The following TPST1 variants were observed in gnomAD, a reference collection of about 807,000 sequenced individuals.
The protein encoded by TPST1 is tyrosylprotein sulfotransferase 1.
TPST1 carries 20 observed loss-of-function variants against 34.8 expected under a neutral mutation model. The observed-to-expected ratio is 0.57, with a 90% confidence interval of 0.40 to 0.84. The LOEUF (loss-of-function observed/expected upper bound fraction) is 0.84, where lower values mean the gene tolerates loss of function less well. Among genes scored for constraint, TPST1 ranks in the 40% least tolerant of loss-of-function variants. The probability of loss-of-function intolerance (pLI) is 0.00; values close to 1 mark genes in which losing one functional copy is unlikely to be tolerated. For synonymous variants in TPST1, 152 were observed against 159.4 expected (o/e 0.95, Z 0.35); for missense variants, 353 against 455.5 (o/e 0.78, Z 2.05).
chr7:66,279,052 C>T (rs1584202320), intron 2 of TPST1, among the ~76,000 whole-genome samples: 1 of 152,078 alleles, frequency 6.6e-6, no homozygotes, highest in African/African-American at 2.4e-5. Flanking sequence ...GCATAGTACT[C>T]TATGGGTAGT....
chr7:66,293,432 G>T (rs1243334432), intron 3 of TPST1, among the ~76,000 whole-genome samples: 1 of 152,136 alleles, frequency 6.6e-6, no homozygotes, highest in African/African-American at 2.4e-5. Context: ...GAGCCTGAGA[G>T]GTCAAGGCTG....
intron 3 of TPST1, among the ~76,000 whole-genome samples, chr7:66,303,178 G>A (rs1791351761): frequency 6.6e-6 from 1 of 152,072 alleles, no homozygotes; most frequent in Non-Finnish European, 1.5e-5. Flanking sequence ...CTAAGGACAT[G>A]CCAGACATGC....
rs185674648 is a variant in TPST1 at position 66,259,900 on chromosome 7, G to A, written c.845+18630G>A. On this transcript the variant is annotated intron_variant, in intron 2 of 5. Coordinates refer to ENST00000304842, the MANE Select transcript of TPST1 (RefSeq NM_003596.4). Reference sequence around the variant, plus strand: ...ATTTTAACTGTCCTAAAAATCCTCCGTGTTCCCCCTATTTATCCTTTCCTT... The same window carrying A: ...ATTTTAACTGTCCTAAAAATCCTCCATGTTCCCCCTATTTATCCTTTCCTT... Among the ~76,000 whole-genome samples, 661 of 152,056 alleles carry A rather than the reference G, an allele frequency of 4.3e-3. 4 individuals are homozygous for A. Among genetic ancestry groups the A allele is most frequent in the Non-Finnish European group, 7.2e-3 (488 of 67,974 alleles).
At chr7:66,202,791 A>G (rs1307896383), upstream of TPST1, among the ~76,000 whole-genome samples, 1 of 152,060 alleles carries the variant, frequency 6.6e-6, no homozygotes, top group African/African-American at 2.4e-5. Context: ...AACAAAACAA[A>G]AGGTGGGCGC....
intron 3 of TPST1, among the ~76,000 whole-genome samples, chr7:66,314,590 G>A (rs1791596761): frequency 1.3e-5 from 2 of 152,166 alleles, no homozygotes; most frequent in Admixed American, 1.3e-4. Flanking sequence ...GCCATATGTT[G>A]CTTAACGATG....
At chr7:66,344,982 C>T (rs1179693071) in intron 3 of TPST1, among the ~76,000 whole-genome samples, 1 of 150,938 alleles carries the variant, frequency 6.6e-6, no homozygotes, top group Non-Finnish European at 1.5e-5. Context: ...CCTCGGCCTC[C>T]CAAAGTGCTG....
At chr7:66,245,142 A>G (rs1258190313) in intron 2 of TPST1, among the ~76,000 whole-genome samples, 2 of 152,220 alleles carry the variant, frequency 1.3e-5, no homozygotes, top group Non-Finnish European at 2.9e-5. Context: ...TTTTTAATAT[A>G]GAAAGTGAAA....
At chr7:66,269,319 C>A (rs958785345) in intron 2 of TPST1, among the ~76,000 whole-genome samples, 2 of 152,170 alleles carry the variant, frequency 1.3e-5, no homozygotes, top group Non-Finnish European at 2.9e-5. Context: ...GATTAGTTTT[C>A]TTATGCATGC....
At chr7:66,279,912 A>G (rs1034286037) in intron 2 of TPST1, among the ~76,000 whole-genome samples, 1 of 152,244 alleles carries the variant, frequency 6.6e-6, no homozygotes, top group Non-Finnish European at 1.5e-5. Context: ...CAAGAGATCA[A>G]TCAAAAGGGC....
intron 3 of TPST1, among the ~76,000 whole-genome samples, chr7:66,310,359 T>C (rs966480437): frequency 3.3e-5 from 5 of 152,176 alleles, no homozygotes; most frequent in African/African-American, 1.2e-4. Flanking sequence ...AATAACACAC[T>C]GAAGGTGACA....
chr7:66,228,905 A>T (rs1789719486), intron 1 of TPST1, among the ~76,000 whole-genome samples: 1 of 152,164 alleles, frequency 6.6e-6, no homozygotes, highest in Admixed American at 6.6e-5. Context: ...ATTAAAAAAA[A>T]ATTTTTGAAA....
At position 66,205,699 on chromosome 7, in the gene TPST1, C is replaced by G. The variant is rs1012833240; in HGVS notation, c.-102+177C>G. On this transcript the variant is annotated intron_variant, in intron 1 of 5. Transcript: ENST00000304842. The surrounding 1 kb of genome is among the most constrained non-coding windows in gnomAD (Gnocchi z 5.0). ...GGTCTGGCCCGTCCGGCCCCTGCTC[C>G]CACGCCCCTTCCCCCATCGCCGGCA... is the stretch of plus-strand genomic sequence containing the variant. 7.9e-5 allele frequency: 12 copies of G among 152,434 alleles called. No homozygotes were observed. The highest frequency in any genetic ancestry group is 6.5e-5 in the Admixed American group (1 of 15,274). 9.4% of individuals were successfully genotyped at this position (152,434 alleles called of 1,614,324 possible). A position where few individuals can be genotyped will look rare whatever the true frequency, so the allele number is the denominator to read the frequency against.
chr7:66,222,857 G>A (rs1789572730), intron 1 of TPST1, among the ~76,000 whole-genome samples: 1 of 152,210 alleles, frequency 6.6e-6, no homozygotes. Flanking sequence ...CCCCAGCAGT[G>A]CTGTGAGAGA....
intron 1 of TPST1, among the ~76,000 whole-genome samples, chr7:66,213,206 A>C (rs1789301538): frequency 6.6e-6 from 1 of 152,114 alleles, no homozygotes; most frequent in African/African-American, 2.4e-5. Context: ...TTACTGTCTC[A>C]CAGGACGTAA....
At chr7:66,248,823 A>T (rs1790205857) in intron 2 of TPST1, among the ~76,000 whole-genome samples, 1 of 152,170 alleles carries the variant, frequency 6.6e-6, no homozygotes, top group African/African-American at 2.4e-5. Flanking sequence ...CAAAACATTT[A>T]GTTTTAATAG....
chr7:66,352,651 C>T, intron 4 of TPST1, 96 bp downstream of exon 4: 1 of 1,555,996 alleles, frequency 6.4e-7, no homozygotes, highest in Non-Finnish European at 8.6e-7. Flanking sequence ...AAGACAGAAA[C>T]AAGAAAACCA....
At position 66,272,604 on chromosome 7, in the gene TPST1, T is replaced by C. The variant is rs1467928505; in HGVS notation, c.846-13907T>C. Among the ~76,000 whole-genome samples, 7 of 151,506 alleles carry C rather than the reference T, an allele frequency of 4.6e-5. No homozygotes were observed. In the East Asian group the frequency reaches 9.7e-4, roughly 21 times the overall value. ...CCCCAATTCTTTTTTTTTTTTTTTT[T>C]CTGAGACATGGTTTCACTCTGTTGC... On this transcript the variant is annotated intron_variant, in intron 2 of 5. Coordinates refer to ENST00000304842, the MANE Select transcript of TPST1 (RefSeq NM_003596.4).
chr7:66,320,396 C>T (rs187900218), intron 3 of TPST1, among the ~76,000 whole-genome samples: 8 of 148,730 alleles, frequency 5.4e-5, no homozygotes, highest in South Asian at 2.1e-4. Flanking sequence ...TACAGGCGCC[C>T]GCCACCATGC....
chr7:66,305,122 G>A (rs1791396147), intron 3 of TPST1, among the ~76,000 whole-genome samples: 1 of 152,080 alleles, frequency 6.6e-6, no homozygotes, highest in Non-Finnish European at 1.5e-5. Context: ...CCCAGCCAGA[G>A]TCAATACACC....
Sources: allele counts gnomAD v4.1 joint callset (sites outside exome capture counted in the v4.1 genomes callset), GRCh38; gene constraint gnomAD v4.1.1; non-coding constraint Gnocchi (gnomAD v3.1); transcripts MANE v1.5; gene names NCBI Gene and HGNC (gene_info 2026-07-23, HGNC 2026-07-21).